The following VPS13C variants were observed in gnomAD, a reference collection of about 807,000 sequenced individuals.
VPS13C encodes vacuolar protein sorting 13 homolog C.
VPS13C carries 358 observed loss-of-function variants against 456.8 expected under a neutral mutation model. The observed-to-expected ratio is 0.78, with a 90% CI of 0.72 to 0.86. VPS13C has a LOEUF of 0.86. Among genes scored for constraint, VPS13C ranks in the 40% least tolerant of loss-of-function variants. The pLI is 0.00. For missense variants in VPS13C, 4,818 were observed against 4,385.4 expected (o/e 1.10, Z -2.79); for synonymous variants, 1,578 against 1,486.7 (o/e 1.06, Z -1.41).
chr15:62,013,246 G>A, intron 10 of VPS13C, 127 bp from the exon 11 acceptor site: 1 of 539,834 alleles, frequency 1.9e-6, no homozygotes, highest in South Asian at 3.9e-5. Context: ...TTAAAGGAAA[G>A]AAAATAACAT....
chr15:61,879,778 G>A (rs1438668569), intron 73 of VPS13C, among the ~76,000 whole-genome samples: 1 of 151,812 alleles, frequency 6.6e-6, no homozygotes, highest in African/African-American at 2.4e-5. Flanking sequence ...AAAAAGAAAT[G>A]GTATATTACC....
At chr15:61,935,746 T>C (rs2044207513) in intron 48 of VPS13C, 1 of 152,226 alleles carries the variant, frequency 6.6e-6, no homozygotes, top group Non-Finnish European at 1.5e-5. Flanking sequence ...TTGCACACTG[T>C]TCTAGTCATT....
At position 62,041,307 on chromosome 15, in the gene VPS13C, A is replaced by C; in HGVS notation, c.187+17T>G. The C allele has an allele frequency of 6.3e-7, 1 of 1,594,160 alleles. No individual in the cohort carries two copies. The highest frequency in any genetic ancestry group is 8.5e-7 in the Non-Finnish European group (1 of 1,174,348). On this transcript the variant is annotated intron_variant, in intron 3 of 84. Transcript: ENST00000644861. ...AATAGGACCAAGAATAATTCAAATG[A>C]AGACTAAAGTACTTACCAATTTGGC...
chr15:61,880,551 C>T (rs759114449), intron 73 of VPS13C, 58 bp downstream of exon 73: 3 of 1,206,496 alleles, frequency 2.5e-6, no homozygotes, highest in Non-Finnish European at 3.5e-6. Flanking sequence ...GTCCACAGAC[C>T]CTTTAAAAAG....
chr15:61,943,823 G>T (rs2044513269), intron 45 of VPS13C, among the ~76,000 whole-genome samples: 1 of 151,042 alleles, frequency 6.6e-6, no homozygotes, highest in Non-Finnish European at 1.5e-5. Context: ...CACTACAAAA[G>T]AAACTTTCAG....
At chr15:61,901,584 A>C (rs1231269554) in intron 66 of VPS13C, among the ~76,000 whole-genome samples, 1 of 152,204 alleles carries the variant, frequency 6.6e-6, no homozygotes, top group African/African-American at 2.4e-5. Flanking sequence ...ACCAGTTAGA[A>C]TGGCAATCAT....
intron 3 of VPS13C, among the ~76,000 whole-genome samples, chr15:62,035,442 G>C (rs951284029): frequency 6.6e-6 from 1 of 151,876 alleles, no homozygotes; most frequent in Non-Finnish European, 1.5e-5. Context: ...AAGGATGCTG[G>C]ACCAGATTCG....
chr15:61,901,531 T>A (rs1461481583), intron 66 of VPS13C, among the ~76,000 whole-genome samples: 4 of 152,168 alleles, frequency 2.6e-5, no homozygotes, highest in Admixed American at 2.0e-4. Flanking sequence ...TCACTGGCCA[T>A]CAGAGAAATC....
chr15:61,963,168 C>A (rs2045268094), intron 32 of VPS13C, among the ~76,000 whole-genome samples: 1 of 151,930 alleles, frequency 6.6e-6, no homozygotes, highest in African/African-American at 2.4e-5. Context: ...ATAAAAGTTT[C>A]ACAAATCAAA....
intron 2 of VPS13C, among the ~76,000 whole-genome samples, chr15:62,043,105 G>A (rs979892314): frequency 4.6e-5 from 7 of 151,726 alleles, no homozygotes; most frequent in Non-Finnish European, 8.8e-5. Context: ...TATAACAACA[G>A]AATCAGGTCT....
At chr15:61,993,467 C>T (rs1166790873) in intron 16 of VPS13C, among the ~76,000 whole-genome samples, 1 of 151,896 alleles carries the variant, frequency 6.6e-6, no homozygotes, top group Admixed American at 6.6e-5. Flanking sequence ...GCGACAAACC[C>T]CAACATTCAA....
At position 61,931,249 on chromosome 15, in the gene VPS13C, A is replaced by G. The variant is rs867391772; in HGVS notation, c.5879T>C (p.Val1960Ala). The change falls in exon 50 of 85, where the codon GTT becomes GCT. Residue 1960 changes from valine to alanine, a missense_variant. Physicochemically the swap from Val to Ala is moderately conservative, Grantham distance 64 (BLOSUM62 0). Transcript: ENST00000644861. ...YNNDINQESG[V>A]AFHNDSFQLG... ...TTGGAAACTGTCATTATGAAATGCA[A>G]CTCCAGATTCCTATGGTACATTTTT... The G allele has an allele frequency of 6.2e-7, 1 of 1,613,244 alleles. No homozygotes were observed. The highest frequency in any genetic ancestry group is 8.5e-7 in the Non-Finnish European group (1 of 1,179,682).
At chr15:61,955,627 T>C (rs921706234) in intron 37 of VPS13C, among the ~76,000 whole-genome samples, 1 of 152,186 alleles carries the variant, frequency 6.6e-6, no homozygotes, top group Non-Finnish European at 1.5e-5. Flanking sequence ...GAAATGATTC[T>C]AGCAAATATT....
intron 23 of VPS13C, among the ~76,000 whole-genome samples, chr15:61,977,439 T>C (rs572236220): frequency 3.3e-5 from 5 of 151,996 alleles, no homozygotes; most frequent in Non-Finnish European, 5.9e-5. Context: ...ATAATTCTAT[T>C]TGGAGAATGT....
chr15:62,040,697 A>G (rs2048213079), intron 3 of VPS13C, among the ~76,000 whole-genome samples: 1 of 152,110 alleles, frequency 6.6e-6, no homozygotes, highest in African/African-American at 2.4e-5. Context: ...TGGACCACCT[A>G]AATCCAAAAT....
At chr15:62,037,477 T>TA in intron 3 of VPS13C, among the ~76,000 whole-genome samples, 2 of 109,578 alleles carry the variant, frequency 1.8e-5, no homozygotes, top group African/African-American at 5.0e-5. Flanking sequence ...AATAAATTTA[T>TA]TATATTGTAA....
intron 37 of VPS13C, 47 bp downstream of exon 37, chr15:61,958,557 CATAA>C (rs2045086201): frequency 3.9e-6 from 4 of 1,023,816 alleles, no homozygotes; most frequent in East Asian, 2.8e-5. Context: ...CCTACTAAAC[CATAA>C]ATAAATAGAC....
intron 1 of VPS13C, among the ~76,000 whole-genome samples, chr15:62,048,494 A>G (rs1483377207): frequency 6.6e-6 from 1 of 152,050 alleles, no homozygotes; most frequent in Non-Finnish European, 1.5e-5. Flanking sequence ...TTCTTAATCC[A>G]GTCTATCGTT....
At chr15:61,976,719 C>G (rs978329711) in intron 24 of VPS13C, among the ~76,000 whole-genome samples, 3 of 151,890 alleles carry the variant, frequency 2.0e-5, no homozygotes, top group Non-Finnish European at 2.9e-5. Flanking sequence ...TACTTAAATT[C>G]AAAATTAATT....
Sources: gnomAD v4.1 joint callset for allele counts (sites outside exome capture counted in the v4.1 genomes callset) on GRCh38, gnomAD v4.1.1 for gene constraint, MANE v1.5 for transcripts, NCBI Gene and HGNC (gene_info 2026-07-23, HGNC 2026-07-21) for gene names.